Variants in SMG1 observed in about 807,000 individuals in gnomAD.
SMG1 encodes the protein serine/threonine-protein kinase SMG1.
In SMG1, 22 loss-of-function variants were observed where a neutral mutation model predicts 419.9. The ratio of observed to expected loss-of-function variants is 0.05; its 90% CI spans 0.04 to 0.07. The LOEUF (loss-of-function observed/expected upper bound fraction) is 0.07. SMG1 is among the 10% of genes least tolerant of loss of function. SMG1 has a pLI of 1.00. For synonymous variants in SMG1, 1,538 were observed against 1,553.5 expected (o/e 0.99, Z 0.23); for missense variants, 3,185 against 4,342.0 (o/e 0.73, Z 7.49).
At chr16:18,841,918 T>C in intron 40 of SMG1, 124 bp from the exon 41 acceptor site, 1 of 827,324 alleles carries the variant, frequency 1.2e-6, no homozygotes, top group Non-Finnish European at 2.0e-6. Flanking sequence ...ACTGAGAGCA[T>C]TAAAGAATTC....
At chr16:18,921,833 C>T (rs1323682564) in intron 1 of SMG1, among the ~76,000 whole-genome samples, 1 of 152,186 alleles carries the variant, frequency 6.6e-6, no homozygotes, top group South Asian at 2.1e-4. Flanking sequence ...TCTTTCACAA[C>T]AGAGAAGATG....
chr16:18,912,053 G>A (rs1207398623), intron 1 of SMG1, among the ~76,000 whole-genome samples: 1 of 142,050 alleles, frequency 7.0e-6, no homozygotes, highest in Non-Finnish European at 1.5e-5. Flanking sequence ...CTGCACTCCA[G>A]CCTGGGCAAC....
chr16:18,840,518 C>T (rs752773125), intron 41 of SMG1, among the ~76,000 whole-genome samples: 1 of 152,140 alleles, frequency 6.6e-6, no homozygotes, highest in Non-Finnish European at 1.5e-5. Flanking sequence ...GATGTGGGAT[C>T]CTGAAGATAA....
In SMG1 at chr16:18,816,180, T is replaced by C. The variant is rs1287299311; in HGVS notation, c.10302+122A>G. 15 of 776,970 alleles carry C rather than the reference T, an allele frequency of 1.9e-5. No individual in the cohort carries two copies. The East Asian group carries it at 2.4e-4, about 13-fold the overall frequency. The allele number at this position is 776,970 out of a possible 1,614,324, so 48.1% of individuals were successfully genotyped here. ...ACAAGTTAACTCAGTTACAAACAAA[T>C]TGGAAGATGTGATGAGATAAATTGT... On this transcript the variant is annotated intron_variant, in intron 58 of 62. Transcript: ENST00000446231.
Position 18,838,220 on chromosome 16 carries a change from T to C in SMG1, c.7207A>G (p.Met2403Val). 6.2e-7 allele frequency: 1 copy of C among 1,611,262 alleles called. No individual in the cohort carries two copies. The highest frequency in any genetic ancestry group is 8.5e-7 in the Non-Finnish European group (1 of 1,178,466). Residue 2403 changes from methionine to valine, a missense_variant, in exon 45 of 63, where the codon ATG (methionine) becomes GTG (valine). Physicochemically the swap from Met to Val is conservative, Grantham distance 21 (BLOSUM62 1). This residue lies in a region of SMG1 where 60 missense variants were observed against 133.9 expected (regional missense o/e 0.45). Coordinates refer to ENST00000446231, the MANE Select transcript of SMG1 (RefSeq NM_015092.5). The part of the protein sequence containing the change: ...RLSCEQVLHI[M>V]RRGRETLLTL... ...AGCAGGGTCTCTCTGCCACGCCGCA[T>C]AATGTGTAAAACCTGTTTTCAGGAG...
chr16:18,822,403 T>C (rs2032616434), intron 55 of SMG1, among the ~76,000 whole-genome samples: 2 of 76,698 alleles, frequency 2.6e-5, no homozygotes, highest in South Asian at 4.7e-4. Context: ...AACATTTAAG[T>C]CTTTAATCCA....
At chr16:18,882,119 A>G in intron 10 of SMG1, 46 bp downstream of exon 10, 1 of 1,398,570 alleles carries the variant, frequency 7.2e-7, no homozygotes, top group Non-Finnish European at 9.5e-7. Context: ...ACAGTGTAAA[A>G]CAATTTTATT....
intron 1 of SMG1, among the ~76,000 whole-genome samples, chr16:18,916,581 CAAG>C (rs981841037): frequency 6.9e-6 from 1 of 144,816 alleles, no homozygotes; most frequent in African/African-American, 2.5e-5. Context: ...GCAAACTCCA[CAAG>C]AATTTAGTAA....
intron 3 of SMG1, among the ~76,000 whole-genome samples, 178 bp from the exon 4 acceptor site, chr16:18,892,532 T>G (rs1156548994): frequency 6.6e-6 from 1 of 152,202 alleles, no homozygotes; most frequent in African/African-American, 2.4e-5. Context: ...GAGACCAGCC[T>G]GGGCAACATG....
chr16:18,828,068 G>C lies in SMG1; in HGVS notation c.9704C>G (p.Thr3235Ser). 1 of 1,613,250 alleles carries C rather than the reference G, an allele frequency of 6.2e-7. No individual in the cohort carries two copies. The highest frequency in any genetic ancestry group is 8.5e-7 in the Non-Finnish European group (1 of 1,179,522). The change falls in exon 55 of 63, where the codon ACC (threonine) becomes AGC (serine). Residue 3235 changes from threonine (T) to serine (S), a missense_variant. By Grantham distance (58) the Thr-to-Ser change is moderately conservative (BLOSUM62 1). Transcript: ENST00000446231. Reference protein sequence around the residue: ...ILTSMKKKLHTLSQIETSIAT... With the variant: ...ILTSMKKKLHSLSQIETSIAT... ...AATAGAAGTTTCAATCTGGCTCAGGGTATGCAGCTTCTTTTTCATGCTGGT... is the reference window on the plus strand; with the variant it reads ...AATAGAAGTTTCAATCTGGCTCAGGCTATGCAGCTTCTTTTTCATGCTGGT...
intron 1 of SMG1, among the ~76,000 whole-genome samples, chr16:18,913,892 G>A (rs1044093533): frequency 6.6e-5 from 10 of 152,060 alleles, no homozygotes; most frequent in African/African-American, 2.4e-4. Flanking sequence ...GAGGCTGGGC[G>A]AGGTGGTTTA....
chr16:18,815,738 A>G (rs2031943631), intron 58 of SMG1, 87 bp from the exon 59 acceptor site: 14 of 1,107,534 alleles, frequency 1.3e-5, no homozygotes, highest in Non-Finnish European at 1.8e-5. Context: ...TAAGTAACAA[A>G]TGTTTCAAAT....
intron 41 of SMG1, 124 bp from the exon 42 acceptor site, chr16:18,840,070 A>C: frequency 1.4e-6 from 1 of 727,302 alleles, no homozygotes; most frequent in Non-Finnish European, 2.2e-6. Flanking sequence ...TCATTACTCA[A>C]CTAAATTTCA....
rs754006857 is a variant in SMG1 at position 18,836,451 on chromosome 16, T to C, written c.7686A>G (p.Gln2562=). ...ATGCAGCCTGATAATGTGTTATCCA[T>C]TGTTCAAATTCATTCAGCTTCACCT... ...AIQVKLNEFE[Q]WITHYQAAFN... Residue 2562 remains glutamine, a synonymous_variant, in exon 47 of 63, where the codon CAA becomes CAG. Transcript: ENST00000446231. The C allele has an allele frequency of 3.2e-5, 51 of 1,614,070 alleles. No individual in the cohort carries two copies. Among genetic ancestry groups the C allele is most frequent in the Admixed American group, 1.2e-4 (7 of 60,024 alleles).
At chr16:18,885,968 T>C (rs1368790430) in intron 6 of SMG1, among the ~76,000 whole-genome samples, 1 of 151,938 alleles carries the variant, frequency 6.6e-6, no homozygotes, top group Non-Finnish European at 1.5e-5. Context: ...AATTAATAAA[T>C]AAATAAAATA....
chr16:18,845,481 T>C lies in SMG1; in HGVS notation c.6167A>G (p.Lys2056Arg), dbSNP rs2034205563. 1 of 1,614,018 alleles carries C rather than the reference T, an allele frequency of 6.2e-7. No individual in the cohort carries two copies. The highest frequency in any genetic ancestry group is 1.3e-5 in the African/African-American group (1 of 75,054). Residue 2056 changes from lysine to arginine, a missense_variant, in exon 39 of 63, where the codon AAG becomes AGG. Lys to Arg is a conservative substitution (Grantham distance 26). Coordinates refer to ENST00000446231, the MANE Select transcript of SMG1 (RefSeq NM_015092.5). ...DAIENALEKL[K>R]TPLNPAKPGS... is the part of the protein sequence containing the mutation. Reference sequence around the variant, plus strand: ...AGGCTTTGCAGGGTTCAATGGAGTCTTCAGTTTTTCTAGGGCATTTTCAAT... The same window carrying C: ...AGGCTTTGCAGGGTTCAATGGAGTCCTCAGTTTTTCTAGGGCATTTTCAAT...
chr16:18,837,907 A>T, intron 45 of SMG1, 107 bp downstream of exon 45: 1 of 1,160,766 alleles, frequency 8.6e-7, no homozygotes, highest in Non-Finnish European at 1.2e-6. Flanking sequence ...ATTATACATT[A>T]GTTTTGCCAA....
chr16:18,914,068 G>A (rs1272177773), intron 1 of SMG1, among the ~76,000 whole-genome samples: 2 of 151,718 alleles, frequency 1.3e-5, no homozygotes, highest in Non-Finnish European at 2.9e-5. Flanking sequence ...TCAGGAGGCC[G>A]AGGCAGGAGA....
At position 18,806,041 on chromosome 16, in the gene SMG1, G is replaced by A. The variant is rs189874244; in HGVS notation, c.*3528C>T. 3.3e-5 allele frequency: 5 copies of A among 152,584 alleles called. No individual in the cohort carries two copies. Among genetic ancestry groups the A allele is most frequent in the East Asian group, 1.9e-4 (1 of 5,176 alleles). The allele number at this position is 152,584 out of a possible 1,614,324, so 9.5% of individuals were successfully genotyped here. A position where few individuals can be genotyped will look rare whatever the true frequency, so the allele number is the denominator to read the frequency against. ...CAAAAATGTAGAGGAAAATAGGCCC[G>A]GAAGACTTTGCAATTTAAAGTACTG... On this transcript the variant is annotated 3_prime_UTR_variant, in exon 63 of 63. Coordinates refer to ENST00000446231, the MANE Select transcript of SMG1 (RefSeq NM_015092.5).
Sources: gnomAD v4.1 joint callset for allele counts (sites outside exome capture counted in the v4.1 genomes callset) on GRCh38, gnomAD v4.1.1 for gene constraint, gnomAD v4.1.1 regional missense constraint, MANE v1.5 for transcripts, NCBI Gene and HGNC (gene_info 2026-07-23, HGNC 2026-07-21) for gene names.